The following POT1 variants were observed in gnomAD, a reference collection of about 807,000 sequenced individuals.
POT1 encodes protection of telomeres protein 1.
Under a neutral mutation model 78.5 loss-of-function variants are expected in POT1, and 47 were observed. The observed-to-expected ratio is 0.60, with a 90% CI of 0.47 to 0.76. The LOEUF is 0.76. Among genes scored for constraint, POT1 ranks in the 30% least tolerant of loss-of-function variants. The pLI is 0.00. For synonymous variants in POT1, 259 were observed against 260.7 expected (o/e 0.99, Z 0.06); for missense variants, 646 against 749.9 (o/e 0.86, Z 1.62).
At chr7:124,912,940 G>C (rs369649927) in intron 3 of POT1, among the ~76,000 whole-genome samples, 2 of 152,120 alleles carry the variant, frequency 1.3e-5, no homozygotes, top group African/African-American at 4.8e-5. Flanking sequence ...GGCAATTTAC[G>C]AAAGAAAGAG....
chr7:124,844,451 T>C (rs1323204508), intron 12 of POT1, among the ~76,000 whole-genome samples: 1 of 143,074 alleles, frequency 7.0e-6, no homozygotes, highest in East Asian at 2.4e-4. Context: ...AAAAAGGCCA[T>C]TGGCACCGGG....
At chr7:124,872,525 C>T (rs1259321577) in intron 6 of POT1, among the ~76,000 whole-genome samples, 1 of 152,124 alleles carries the variant, frequency 6.6e-6, no homozygotes, top group African/African-American at 2.4e-5. Flanking sequence ...TATCAACTGT[C>T]GAGGTATCGC....
chr7:124,866,358 G>A (rs1261286546), intron 7 of POT1, among the ~76,000 whole-genome samples: 1 of 152,144 alleles, frequency 6.6e-6, no homozygotes, highest in Non-Finnish European at 1.5e-5. Flanking sequence ...TGTTAAGGAG[G>A]TATTAATAAG....
At chr7:124,846,873 G>T in intron 12 of POT1, 69 bp downstream of exon 12, 1 of 1,062,618 alleles carries the variant, frequency 9.4e-7, no homozygotes, top group South Asian at 1.4e-5. Flanking sequence ...TGGATTAGCT[G>T]GTAAGTGTAG....
At chr7:124,825,438 T>C (rs751580783) in intron 17 of POT1, 81 bp from the exon 18 acceptor site, 3 of 819,552 alleles carry the variant, frequency 3.7e-6, no homozygotes, top group African/African-American at 3.5e-5. Flanking sequence ...TATTTCAATA[T>C]TGTCCAATTA....
At chr7:124,827,438 C>G (rs1328761347) in intron 16 of POT1, 133 bp from the exon 17 acceptor site, 2 of 448,636 alleles carry the variant, frequency 4.5e-6, no homozygotes, top group Non-Finnish European at 7.7e-6. Context: ...CAAAGAAAAA[C>G]TTGGCATTAT....
chr7:124,908,788 TAATC>T (rs1187283831), intron 3 of POT1, among the ~76,000 whole-genome samples: 1 of 151,836 alleles, frequency 6.6e-6, no homozygotes, highest in African/African-American at 2.4e-5. Flanking sequence ...ACTAAATAAA[TAATC>T]AAAGATATTA....
chr7:124,859,067 T>C lies in POT1; in HGVS notation c.592A>G (p.Ile198Val). 1 of 1,607,904 alleles carries C rather than the reference T, an allele frequency of 6.2e-7. No homozygotes were observed. The highest frequency in any genetic ancestry group is 8.5e-7 in the Non-Finnish European group (1 of 1,176,042). The stretch of plus-strand genomic sequence containing the variant: ...TCACCTTCAAGAACAAGGTCTTGTA[T>C]TAAGACTCTCCAAGATGGAAATGGT... ...RTPFPSWRVL[I>V]QDLVLEGDLS... Residue 198 changes from isoleucine (I) to valine (V), a missense_variant, in exon 9 of 19, where the codon ATA becomes GTA. Ile to Val is a conservative substitution (Grantham distance 29). Coordinates refer to ENST00000357628, the MANE Select transcript of POT1 (RefSeq NM_015450.3).
At chr7:124,868,071 GAA>G (rs1795774865) in intron 7 of POT1, among the ~76,000 whole-genome samples, 2 of 152,108 alleles carry the variant, frequency 1.3e-5, no homozygotes, top group Admixed American at 1.3e-4. Context: ...GCTGGAAAAA[GAA>G]GAGTAGATCT....
At chr7:124,841,250 A>G (rs1452260164) in intron 13 of POT1, 72 bp from the exon 14 acceptor site, 1 of 1,209,334 alleles carries the variant, frequency 8.3e-7, no homozygotes, top group African/African-American at 1.5e-5. Context: ...TTAACAAGTT[A>G]TCAAATTAAA....
chr7:124,823,483 T>A lies in POT1; in HGVS notation c.*479A>T, dbSNP rs1319908336. 6.6e-6 allele frequency: 1 copy of A among 152,186 alleles called. No individual in the cohort carries two copies. Among genetic ancestry groups the A allele is most frequent in the African/African-American group, 2.4e-5 (1 of 41,420 alleles). 9.4% of individuals were successfully genotyped at this position (152,186 alleles called of 1,614,324 possible). A position where few individuals can be genotyped will look rare whatever the true frequency, so the allele number is the denominator to read the frequency against. On this transcript the variant is annotated 3_prime_UTR_variant, in exon 19 of 19. Coordinates refer to ENST00000357628, the MANE Select transcript of POT1 (RefSeq NM_015450.3). Reference sequence around the variant, plus strand: ...AGTTGTAATAGCGGCATATTTTACATGAGACTATTAGAAAAGGATAATATT... The same window carrying A: ...AGTTGTAATAGCGGCATATTTTACAAGAGACTATTAGAAAAGGATAATATT...
chr7:124,897,278 G>T, intron 4 of POT1, 66 bp from the exon 5 acceptor site: 1 of 584,314 alleles, frequency 1.7e-6, no homozygotes, highest in South Asian at 3.4e-5. Flanking sequence ...CATGCTTTTA[G>T]TTGTAGTAAA....
intron 17 of POT1, among the ~76,000 whole-genome samples, chr7:124,827,006 A>G (rs1385725523): frequency 6.6e-6 from 1 of 152,148 alleles, no homozygotes; most frequent in East Asian, 1.9e-4. Flanking sequence ...CTGTTCCTTA[A>G]TTTTTCACTA....
intron 7 of POT1, among the ~76,000 whole-genome samples, chr7:124,866,417 C>G (rs982028050): frequency 8.8e-6 from 1 of 114,050 alleles, no homozygotes; most frequent in Non-Finnish European, 1.9e-5. Context: ...ATTACTAGAC[C>G]TCCAGTATCC....
chr7:124,920,653 C>T (rs1408221015), intron 2 of POT1, among the ~76,000 whole-genome samples: 2 of 121,780 alleles, frequency 1.6e-5, no homozygotes, highest in Non-Finnish European at 1.8e-5. Flanking sequence ...TAAAAGAACA[C>T]AAATACTTCA....
At chr7:124,874,451 C>T (rs1795940162) in intron 6 of POT1, among the ~76,000 whole-genome samples, 1 of 152,076 alleles carries the variant, frequency 6.6e-6, no homozygotes, top group South Asian at 2.1e-4. Context: ...AATTACCAGA[C>T]ATTAGAATAA....
chr7:124,919,188 A>G (rs1390607937), intron 2 of POT1, among the ~76,000 whole-genome samples: 2 of 152,166 alleles, frequency 1.3e-5, no homozygotes, highest in East Asian at 3.9e-4. Flanking sequence ...AATGGTAAGT[A>G]TGTATGTATC....
At chr7:124,909,189 T>C (rs1479237645) in intron 3 of POT1, among the ~76,000 whole-genome samples, 1 of 151,846 alleles carries the variant, frequency 6.6e-6, no homozygotes, top group Non-Finnish European at 1.5e-5. Context: ...TCCTCATATT[T>C]TATGTCCACA....
rs566739667 is a variant in POT1, at chr7:124,920,287, T to C, written c.-226-4641A>G. Among the ~76,000 whole-genome samples the C allele has an allele frequency of 3.5e-4, 53 of 152,174 alleles. No individual in the cohort carries two copies. The South Asian group carries it at 0.011, about 30-fold the overall frequency. ...TAATGAAAAAAACAACCTGAAAGAA[T>C]GTTATACGTATCATAGTAAGTGAAA... On this transcript the variant is annotated intron_variant, in intron 2 of 18. Coordinates refer to ENST00000357628, the MANE Select transcript of POT1 (RefSeq NM_015450.3).
Sources: allele counts gnomAD v4.1 joint callset (sites outside exome capture counted in the v4.1 genomes callset), GRCh38; gene constraint gnomAD v4.1.1; transcripts MANE v1.5; gene names NCBI Gene and HGNC (gene_info 2026-07-23, HGNC 2026-07-21).